Variants in DLG2 observed in about 807,000 individuals in gnomAD.
The protein encoded by DLG2 is discs large MAGUK scaffold protein 2.
Under a neutral mutation model 132.5 loss-of-function variants are expected in DLG2, and 45 were observed. The observed-to-expected ratio is 0.34, with a 90% CI of 0.27 to 0.44. The LOEUF (loss-of-function observed/expected upper bound fraction) is 0.44. Among genes scored for constraint, DLG2 ranks in the 20% least tolerant of loss-of-function variants. The probability of loss-of-function intolerance (pLI) is 1.00; values close to 1 mark genes in which losing one functional copy is unlikely to be tolerated. For missense variants in DLG2, 1,045 were observed against 1,196.9 expected, an observed-to-expected ratio of 0.87 and a Z score of 1.87; for synonymous variants, 424 against 419.6, an observed-to-expected ratio of 1.01 and a Z score of -0.13.
chr11:83,717,414 A>C (rs1322058687), intron 18 of DLG2, among the ~76,000 whole-genome samples: 1 of 152,226 alleles, frequency 6.6e-6, no homozygotes, highest in Non-Finnish European at 1.5e-5. Context: ...AGATTAATGA[A>C]TTACTGCCAC....
chr11:85,436,040 TA>T lies in DLG2; in HGVS notation c.41-150676del, dbSNP rs879933037. ...ACAACCAACTGATCTTCAACAAACC[TA>T]AAAAAAACAAAAAATGAGTAAAGGA... On this transcript the variant is annotated intron_variant, in intron 3 of 27. Coordinates refer to ENST00000376104, the MANE Select transcript of DLG2 (RefSeq NM_001142699.3). Among the ~76,000 whole-genome samples the T allele has an allele frequency of 5.3e-5, 8 of 151,252 alleles. 1 individual carries two copies. Among genetic ancestry groups the T allele is most frequent in the Admixed American group, 3.3e-4 (5 of 15,208 alleles).
chr11:84,160,933 A>G (rs1440986645), intron 9 of DLG2, among the ~76,000 whole-genome samples: 1 of 152,154 alleles, frequency 6.6e-6, no homozygotes, highest in East Asian at 1.9e-4. Context: ...GAGAGAAGAG[A>G]GTGCTTGAGA....
At chr11:84,525,605 C>T (rs2099317941) in intron 7 of DLG2, among the ~76,000 whole-genome samples, 1 of 152,086 alleles carries the variant, frequency 6.6e-6, no homozygotes. Context: ...CATACCTTTC[C>T]AATTATTCCT....
intron 3 of DLG2, among the ~76,000 whole-genome samples, chr11:85,372,259 G>T (rs1287666676): frequency 6.6e-6 from 1 of 152,190 alleles, no homozygotes; most frequent in East Asian, 1.9e-4. Context: ...GGGAAAGTAA[G>T]ACTGAGGGAG....
intron 3 of DLG2, among the ~76,000 whole-genome samples, chr11:85,465,307 AT>A (rs1178016511): frequency 8.7e-5 from 13 of 149,742 alleles, no homozygotes; most frequent in South Asian, 2.1e-4. Context: ...CAACTGGCTA[AT>A]TTTTTTTTAA....
intron 6 of DLG2, among the ~76,000 whole-genome samples, chr11:84,843,143 G>A (rs2154010773): frequency 6.6e-6 from 1 of 152,082 alleles, no homozygotes; most frequent in Middle Eastern, 3.4e-3. Context: ...AGGGATAGCA[G>A]TGCAAAACTT....
chr11:84,440,220 T>C (rs2099013379), intron 7 of DLG2, among the ~76,000 whole-genome samples: 1 of 152,236 alleles, frequency 6.6e-6, no homozygotes. Context: ...GTAATAACTA[T>C]TGTTTCTTAA....
At chr11:85,328,779 A>AT (rs1428925174) in intron 3 of DLG2, among the ~76,000 whole-genome samples, 10 of 145,880 alleles carry the variant, frequency 6.9e-5, no homozygotes, top group Non-Finnish European at 1.3e-4. Context: ...GGCCAGGGCA[A>AT]TCAGGCAGGA....
intron 18 of DLG2, among the ~76,000 whole-genome samples, chr11:83,763,099 A>G (rs1220504127): frequency 2.0e-5 from 3 of 152,202 alleles, no homozygotes; most frequent in South Asian, 4.1e-4. Context: ...TTGGGACATC[A>G]GTTCTCCCCT....
chr11:83,525,889 A>G (rs1206203123), intron 21 of DLG2, among the ~76,000 whole-genome samples: 3 of 152,220 alleles, frequency 2.0e-5, no homozygotes, highest in African/African-American at 7.2e-5. Flanking sequence ...CCATCTTGCT[A>G]ACGAAATACT....
intron 6 of DLG2, among the ~76,000 whole-genome samples, chr11:84,940,402 C>T (rs2049259927): frequency 6.6e-6 from 1 of 152,200 alleles, no homozygotes; most frequent in Non-Finnish European, 1.5e-5. Flanking sequence ...ATCCACCTGC[C>T]TAGGCCTCCC....
rs142661271 is a variant in DLG2, at chr11:83,704,201, A to C, written c.1826-70876T>G. Among the ~76,000 whole-genome samples the C allele has an allele frequency of 5.3e-4, 80 of 152,256 alleles. No individual in the cohort carries two copies. The East Asian group carries it at 0.013, about 25-fold the overall frequency. ...GAAGTATAAAAAAGAGTGCATCTGA[A>C]AACATGAAAAACTTTGCATGAAAAA... is the stretch of plus-strand genomic sequence containing the variant. On this transcript the variant is annotated intron_variant, in intron 18 of 27. Transcript: ENST00000376104.
intron 11 of DLG2, among the ~76,000 whole-genome samples, chr11:84,018,498 T>C (rs934069082): frequency 6.6e-6 from 1 of 151,996 alleles, no homozygotes; most frequent in Non-Finnish European, 1.5e-5. Context: ...ACAAAATTGA[T>C]AGAAATATTA....
intron 6 of DLG2, among the ~76,000 whole-genome samples, chr11:84,811,038 G>A (rs919627861): frequency 4.6e-5 from 7 of 152,106 alleles, no homozygotes; most frequent in African/African-American, 1.4e-4. Flanking sequence ...GTAATATTGT[G>A]CTGTAGACAT....
intron 6 of DLG2, among the ~76,000 whole-genome samples, chr11:84,588,792 A>AC (rs1491155368): frequency 5.4e-5 from 8 of 147,072 alleles, no homozygotes; most frequent in Admixed American, 1.3e-4. Context: ...GAAAAAAAAA[A>AC]AAAAACAAAA....
At chr11:85,465,465 C>T (rs2092757890) in intron 3 of DLG2, among the ~76,000 whole-genome samples, 2 of 152,042 alleles carry the variant, frequency 1.3e-5, no homozygotes, top group Non-Finnish European at 2.9e-5. Flanking sequence ...CTCCCCCCAC[C>T]CCACAACAGG....
chr11:84,191,412 TA>T (rs1292580616), intron 8 of DLG2, among the ~76,000 whole-genome samples: 1 of 152,186 alleles, frequency 6.6e-6, no homozygotes, highest in East Asian at 1.9e-4. Flanking sequence ...AGCTGCCTTT[TA>T]AAAGGAAAGA....
intron 2 of DLG2, among the ~76,000 whole-genome samples, chr11:85,612,257 C>G (rs771105944): frequency 7.2e-5 from 11 of 152,018 alleles, no homozygotes; most frequent in Non-Finnish European, 1.3e-4. Context: ...GCCTTCCTAT[C>G]AAAAATCCTT....
rs58442462 is a variant in DLG2 at position 85,122,972 on chromosome 11, T to TATATATATA, written c.283-11238_283-11237insTATATATAT. On this transcript the variant is annotated intron_variant, in intron 5 of 27. Coordinates refer to ENST00000376104, the MANE Select transcript of DLG2 (RefSeq NM_001142699.3). ...TATTATATATATATATATATATATT[T>TATATATATA]TTTTTTTTTTTTTTTTTTTTTTTGA... is the stretch of plus-strand genomic sequence containing the variant. Among the ~76,000 whole-genome samples the TATATATATA allele has an allele frequency of 1.0e-4, 7 of 67,246 alleles. No homozygotes were observed. The East Asian group carries it at 1.5e-3, about 14-fold the overall frequency. 44.1% of individuals were successfully genotyped at this position (67,246 alleles called of 152,430 possible).
Sources: allele counts gnomAD v4.1 joint callset (sites outside exome capture counted in the v4.1 genomes callset), GRCh38; gene constraint gnomAD v4.1.1; transcripts MANE v1.5; gene names NCBI Gene and HGNC (gene_info 2026-07-23, HGNC 2026-07-21).